LIN28B: variants seen among roughly 807,000 people sequenced by gnomAD.
LIN28B encodes lin-28 RNA binding posttranscriptional regulator B, also known as protein lin-28 homolog B.
LIN28B carries 5 observed loss-of-function variants against 21.9 expected under a neutral mutation model. That is an observed-to-expected ratio of 0.23 (90% CI 0.12 to 0.48). LIN28B has a LOEUF of 0.48. LIN28B is among the 20% of genes least tolerant of loss of function. The probability of loss-of-function intolerance (pLI) is 0.98; values close to 1 mark genes in which losing one functional copy is unlikely to be tolerated. For synonymous variants in LIN28B, 109 were observed against 111.3 expected (o/e 0.98, Z 0.13); for missense variants, 245 against 310.5 (o/e 0.79, Z 1.58).
Position 105,026,381 on chromosome 6 carries a change from T to G in LIN28B, c.282T>G (p.Leu94=). 1 of 1,611,424 alleles carries G rather than the reference T, an allele frequency of 6.2e-7. No individual in the cohort carries two copies. Residue 94 remains leucine, a synonymous_variant, in exon 3 of 4, where the codon CTT becomes CTG. Transcript: ENST00000345080. The part of the protein sequence containing the change: ...EFTFKKSSKG[L]ESIRVTGPGG... ...CATTTAAAAAATCTTCCAAAGGCCTTGAGTCAATACGGGTAACAGGACCTG... is the reference window on the plus strand; with the variant it reads ...CATTTAAAAAATCTTCCAAAGGCCTGGAGTCAATACGGGTAACAGGACCTG...
intron 2 of LIN28B, among the ~76,000 whole-genome samples, chr6:105,013,571 C>G (rs1201513220): frequency 6.6e-6 from 1 of 151,576 alleles, no homozygotes; most frequent in Admixed American, 6.6e-5. Flanking sequence ...AACCCTGTCT[C>G]TACAAAAAAT....
chr6:104,981,280 G>A (rs537443346), intron 2 of LIN28B, among the ~76,000 whole-genome samples: 86 of 152,198 alleles, frequency 5.7e-4, no homozygotes, highest in African/African-American at 2.0e-3. Flanking sequence ...CTTCTGTAGG[G>A]AATTGATAAT....
intron 2 of LIN28B, among the ~76,000 whole-genome samples, chr6:105,002,483 C>G (rs1770738844): frequency 6.6e-6 from 1 of 152,034 alleles, no homozygotes; most frequent in South Asian, 2.1e-4. Flanking sequence ...GTAATTCATG[C>G]CCATCTACGG....
intron 3 of LIN28B, among the ~76,000 whole-genome samples, chr6:105,046,165 C>A (rs954501844): frequency 6.6e-6 from 1 of 152,108 alleles, no homozygotes; most frequent in Non-Finnish European, 1.5e-5. Context: ...ATCCGTCCCC[C>A]CTCCCTCCAC....
intron 2 of LIN28B, among the ~76,000 whole-genome samples, chr6:105,015,531 A>G (rs759196171): frequency 1.6e-4 from 25 of 152,044 alleles, no homozygotes; most frequent in Non-Finnish European, 3.2e-4. Context: ...ACCTAATGTA[A>G]CTGTTCATAT....
intron 2 of LIN28B, among the ~76,000 whole-genome samples, chr6:104,949,958 T>C (rs2114551903): frequency 6.6e-6 from 1 of 152,324 alleles, no homozygotes; most frequent in South Asian, 2.1e-4. Flanking sequence ...ACCATTAATG[T>C]AATTTTTCAT....
chr6:105,068,916 C>A (rs376033972), intron 3 of LIN28B, among the ~76,000 whole-genome samples: 1 of 152,204 alleles, frequency 6.6e-6, no homozygotes, highest in South Asian at 2.1e-4. Context: ...AAGTAATTTT[C>A]TATTTAAATG....
At chr6:104,940,024 T>G (rs1055978153) in intron 2 of LIN28B, among the ~76,000 whole-genome samples, 1 of 152,164 alleles carries the variant, frequency 6.6e-6, no homozygotes, top group Non-Finnish European at 1.5e-5. Context: ...CCAGATCTTG[T>G]GGCTCTTTGA....
chr6:104,989,479 T>A (rs1398678397), intron 2 of LIN28B, among the ~76,000 whole-genome samples: 1 of 150,924 alleles, frequency 6.6e-6, no homozygotes, highest in East Asian at 2.0e-4. Context: ...CACCTTGGCC[T>A]CCCAAAGTGC....
chr6:104,965,359 C>T (rs1369141404), intron 2 of LIN28B, among the ~76,000 whole-genome samples: 2 of 152,070 alleles, frequency 1.3e-5, no homozygotes, highest in Non-Finnish European at 2.9e-5. Context: ...AACTCCGTCC[C>T]TACCAAAAAA....
chr6:105,017,766 G>C (rs1771058204), intron 2 of LIN28B, among the ~76,000 whole-genome samples: 1 of 152,006 alleles, frequency 6.6e-6, no homozygotes, highest in Non-Finnish European at 1.5e-5. Context: ...AGGGGCAAGG[G>C]TTGAAAAACT....
At chr6:105,039,784 G>T in intron 3 of LIN28B, among the ~76,000 whole-genome samples, 1 of 152,060 alleles carries the variant, frequency 6.6e-6, no homozygotes, top group East Asian at 1.9e-4. Flanking sequence ...TATTTTGAAT[G>T]AATTTTTTTT....
chr6:105,050,994 C>T (rs1002523750), intron 3 of LIN28B, among the ~76,000 whole-genome samples: 10 of 151,042 alleles, frequency 6.6e-5, no homozygotes, highest in Admixed American at 2.0e-4. Flanking sequence ...GTGGGAGGAT[C>T]GCTTGAGACC....
At chr6:104,974,480 C>T (rs1770044367) in intron 2 of LIN28B, among the ~76,000 whole-genome samples, 1 of 142,580 alleles carries the variant, frequency 7.0e-6, no homozygotes, top group Admixed American at 7.1e-5. Flanking sequence ...CACAGCAAGA[C>T]TCCATCTCAA....
At chr6:105,045,069 G>A (rs558563153) in intron 3 of LIN28B, among the ~76,000 whole-genome samples, 13 of 152,162 alleles carry the variant, frequency 8.5e-5, no homozygotes, top group African/African-American at 2.9e-4. Flanking sequence ...ACGTTAAACT[G>A]TTAGGAGCAG....
chr6:104,987,233 G>A (rs556768619), intron 2 of LIN28B, among the ~76,000 whole-genome samples: 1 of 151,996 alleles, frequency 6.6e-6, no homozygotes, highest in African/African-American at 2.4e-5. Flanking sequence ...TTGTTAAATA[G>A]TATTTTTTTA....
intron 3 of LIN28B, among the ~76,000 whole-genome samples, chr6:105,053,412 T>C (rs1465094442): frequency 3.3e-5 from 5 of 151,090 alleles, no homozygotes; most frequent in African/African-American, 4.9e-5. Context: ...TGTGTGTGTG[T>C]GCACGTGCTC....
chr6:105,030,445 T>C (rs1771395416), intron 3 of LIN28B, among the ~76,000 whole-genome samples: 1 of 152,210 alleles, frequency 6.6e-6, no homozygotes, highest in South Asian at 2.1e-4. Context: ...CCAGATTTTA[T>C]GTTTATTAGT....
At chr6:104,988,077 T>G (rs992915157) in intron 2 of LIN28B, among the ~76,000 whole-genome samples, 1 of 152,170 alleles carries the variant, frequency 6.6e-6, no homozygotes, top group Admixed American at 6.5e-5. Context: ...AATTTTCTTT[T>G]TTGATTCACT....
Sources: gnomAD v4.1 joint callset for allele counts (sites outside exome capture counted in the v4.1 genomes callset) on GRCh38, gnomAD v4.1.1 for gene constraint, MANE v1.5 for transcripts, NCBI Gene and HGNC (gene_info 2026-07-23, HGNC 2026-07-21) for gene names.